FGFR3: variants seen among roughly 807,000 people sequenced by gnomAD.
The protein encoded by FGFR3 is FGFR-3.
In FGFR3, 25 loss-of-function variants were observed where a neutral mutation model predicts 82.9. The ratio of observed to expected loss-of-function variants is 0.30; its 90% confidence interval spans 0.22 to 0.42. The LOEUF is 0.42. Ranked by LOEUF, FGFR3 falls within the 10% of genes least tolerant of loss-of-function variation. FGFR3 has a pLI of 1.00. For synonymous variants in FGFR3, 620 were observed against 516.0 expected, an observed-to-expected ratio of 1.20 and a Z score of -2.73; for missense variants, 1,026 against 1,161.0, an observed-to-expected ratio of 0.88 and a Z score of 1.69.
chr4:1,799,582 C>A (rs1720948474), intron 3 of FGFR3, 59 bp downstream of exon 3: 4 of 1,549,218 alleles, frequency 2.6e-6, no homozygotes, highest in Non-Finnish European at 3.5e-6. Flanking sequence ...TCCCTGAGTC[C>A]CTGCGTGGGT....
intron 15 of FGFR3, 44 bp from the exon 16 acceptor site, chr4:1,806,502 G>C (rs1394269879): frequency 6.2e-7 from 1 of 1,612,522 alleles, no homozygotes; most frequent in Non-Finnish European, 8.5e-7. Flanking sequence ...CCAGGTGTCT[G>C]TCCTGGGAGT....
chr4:1,799,187 C>T lies in FGFR3; in HGVS notation c.110-67C>T, dbSNP rs4647927. On this transcript the variant is annotated intron_variant, in intron 2 of 17. Transcript: ENST00000440486. ...TCACTCAGGGCCGCCGAGGCTTCCA[C>T]TGCTGTGTCTGTAAACGGTGCCGGG... is the stretch of plus-strand genomic sequence containing the variant. 10,272 of 1,608,654 alleles carry T rather than the reference C, an allele frequency of 6.4e-3. 47 individuals are homozygous for T. Among genetic ancestry groups the T allele is most frequent in the Non-Finnish European group, 7.8e-3 (9,186 of 1,178,430 alleles).
chr4:1,794,359 A>G (rs1720212312), intron 2 of FGFR3, among the ~76,000 whole-genome samples: 1 of 151,872 alleles, frequency 6.6e-6, no homozygotes, highest in South Asian at 2.1e-4. Flanking sequence ...CCCCATTTCC[A>G]CGATTCCCGC....
rs971883487 is a variant in FGFR3 at position 1,806,992 on chromosome 4, G to A, written c.2274+58G>A. 101 of 1,558,400 alleles carry A rather than the reference G, an allele frequency of 6.5e-5. No individual in the cohort carries two copies. In the Admixed American group the frequency reaches 6.7e-4, roughly 10 times the overall value. On this transcript the variant is annotated intron_variant, in intron 17 of 17. Coordinates refer to ENST00000440486, the MANE Select transcript of FGFR3 (RefSeq NM_000142.5). ...CTATGCCCCTCCCCCTGCCGTCCCCGGCCATCCTGCCCCCCAGAGTGCTGA... is the reference window on the plus strand; with the variant it reads ...CTATGCCCCTCCCCCTGCCGTCCCCAGCCATCCTGCCCCCCAGAGTGCTGA...
chr4:1,794,993 G>A (rs925535751), intron 2 of FGFR3, among the ~76,000 whole-genome samples: 1 of 151,664 alleles, frequency 6.6e-6, no homozygotes, highest in African/African-American at 2.4e-5. Flanking sequence ...GGGGAGGTGT[G>A]AGCGACCGCG....
intron 2 of FGFR3, among the ~76,000 whole-genome samples, chr4:1,795,999 C>T (rs1282394831): frequency 1.3e-5 from 2 of 152,182 alleles, no homozygotes; most frequent in Non-Finnish European, 2.9e-5. Flanking sequence ...TCACTTGGGG[C>T]TAGATCTGGG....
At chr4:1,805,264 C>T (rs1353276637) in intron 10 of FGFR3, 91 bp from the exon 11 acceptor site, 5 of 1,586,834 alleles carry the variant, frequency 3.2e-6, no homozygotes, top group Admixed American at 3.4e-5. Context: ...GGCTCTGGGC[C>T]TCAAGGGCTG....
chr4:1,807,124 G>A lies in FGFR3; in HGVS notation c.2283G>A (p.Leu761=), dbSNP rs2108816957. The A allele has an allele frequency of 6.3e-7, 1 of 1,584,522 alleles. No individual in the cohort carries two copies. Among genetic ancestry groups the A allele is most frequent in the East Asian group, 2.3e-5 (1 of 43,178 alleles). Residue 761 remains leucine (L), a synonymous_variant, in exon 18 of 18, where the codon CTG becomes CTA. Coordinates refer to ENST00000440486, the MANE Select transcript of FGFR3 (RefSeq NM_000142.5). ...CCGCCTCCCGCCAGCAGGAGTACCT[G>A]GACCTGTCGGCGCCTTTCGAGCAGT... ...VLTVTSTDEY[L]DLSAPFEQYS... is the part of the protein sequence containing the mutation.
At position 1,804,340 on chromosome 4, in the gene FGFR3, G is replaced by A. The variant is rs2108796450; in HGVS notation, c.1086G>A (p.Glu362=). 2 of 1,607,654 alleles carry A rather than the reference G, an allele frequency of 1.2e-6. No individual in the cohort carries two copies. Among genetic ancestry groups the A allele is most frequent in the Non-Finnish European group, 1.7e-6 (2 of 1,177,422 alleles). The stretch of plus-strand genomic sequence containing the variant: ...CCCATGTCTTTGCAGCCGAGGAGGA[G>A]CTGGTGGAGGCTGACGAGGCGGGCA... ...AWLVVLPAEE[E]LVEADEAGSV... Residue 362 remains glutamate, a synonymous_variant, in exon 9 of 18, where the codon GAG becomes GAA. Transcript: ENST00000440486.
intron 2 of FGFR3, among the ~76,000 whole-genome samples, chr4:1,797,868 G>A (rs1237357041): frequency 1.3e-5 from 2 of 152,206 alleles, no homozygotes; most frequent in Non-Finnish European, 2.9e-5. Flanking sequence ...CAGGTGGGTT[G>A]GGCAGAAGAG....
intron 15 of FGFR3, 78 bp from the exon 16 acceptor site, chr4:1,806,468 C>G (rs1006526434): frequency 6.2e-7 from 1 of 1,610,916 alleles, no homozygotes; most frequent in African/African-American, 1.3e-5. Flanking sequence ...CAGCGCAGCC[C>G]TGGCCTATTC....
rs140211846 is a variant in FGFR3, at chr4:1,807,135, C to T, written c.2294C>T (p.Ala765Val). The change falls in exon 18 of 18, where the codon GCG (alanine) becomes GTG (valine). Residue 765 changes from alanine (A) to valine (V), a missense_variant. Physicochemically the swap from Ala to Val is moderately conservative, Grantham distance 64. This residue lies in a region of FGFR3 where 155 missense variants were observed against 150.2 expected (regional missense o/e 1.03). Coordinates refer to ENST00000440486, the MANE Select transcript of FGFR3 (RefSeq NM_000142.5). ...CAGCAGGAGTACCTGGACCTGTCGG[C>T]GCCTTTCGAGCAGTACTCCCCGGGT... ...TSTDEYLDLS[A>V]PFEQYSPGGQ... The T allele has an allele frequency of 4.7e-5, 74 of 1,590,726 alleles. No homozygotes were observed. The highest frequency in any genetic ancestry group is 1.6e-4 in the East Asian group (7 of 43,574).
rs374504027 is a variant in FGFR3 at position 1,805,318 on chromosome 4, G to C, written c.1413-37G>C. On this transcript the variant is annotated intron_variant, in intron 10 of 17. Transcript: ENST00000440486. ...ACCGTGGTGGGCTGAGAGTGGGCGA[G>C]TTTGCACACTCATGGTCCCTCTGCC... The C allele has an allele frequency of 3.1e-6, 5 of 1,607,516 alleles. No homozygotes were observed. In the African/African-American group the frequency reaches 6.7e-5, roughly 21 times the overall value.
intron 3 of FGFR3, 90 bp from the exon 4 acceptor site, chr4:1,799,657 C>T (rs1445957269): frequency 1.9e-6 from 3 of 1,573,356 alleles, no homozygotes; most frequent in Non-Finnish European, 2.6e-6. Context: ...AAGTGCTGCC[C>T]AAATGGGGGA....
intron 2 of FGFR3, among the ~76,000 whole-genome samples, chr4:1,795,468 G>T (rs1013532695): frequency 6.6e-6 from 1 of 151,882 alleles, no homozygotes; most frequent in Non-Finnish European, 1.5e-5. Flanking sequence ...TGGAGCTGGT[G>T]AAACAGGTAG....
In FGFR3 at chr4:1,799,734, C is replaced by T. The variant is rs13129492; in HGVS notation, c.380-13C>T. 1.9e-5 allele frequency: 30 copies of T among 1,612,738 alleles called. No homozygotes were observed. The African/African-American group carries it at 3.5e-4, about 19-fold the overall frequency. On this transcript the variant is annotated splice_polypyrimidine_tract_variant and intron_variant, in intron 3 of 17. Transcript: ENST00000440486. ...CAGGTTGGGCATTGGTTGCGGCCAT[C>T]TCTGCCTTGCAGACGCTCCATCCTC...
Position 1,805,615 on chromosome 4 carries a change from A to T in FGFR3, c.1591A>T (p.Met531Leu). ...DLVSEMEMMKMIGKHKNIINL... is the reference protein window; with the variant it reads ...DLVSEMEMMKLIGKHKNIINL... The stretch of plus-strand genomic sequence containing the variant: ...GGTGTCTGAGATGGAGATGATGAAG[A>T]TGATCGGGAAACACAAAAACATCAT... Residue 531 changes from methionine to leucine, a missense_variant, in exon 12 of 18, where the codon ATG becomes TTG. Physicochemically the swap from Met to Leu is conservative, Grantham distance 15. This residue lies in a region of FGFR3 where 164 missense variants were observed against 167.5 expected (regional missense o/e 0.98). Coordinates refer to ENST00000440486, the MANE Select transcript of FGFR3 (RefSeq NM_000142.5). The T allele has an allele frequency of 1.2e-6, 2 of 1,613,336 alleles. No individual in the cohort carries two copies. Among genetic ancestry groups the T allele is most frequent in the Admixed American group, 1.7e-5 (1 of 60,016 alleles).
rs375181682 is a variant in FGFR3 at position 1,801,980 on chromosome 4, C to T, written c.885C>T (p.Gly295=). Residue 295 remains glycine (G), a synonymous_variant, in exon 7 of 18, where the codon GGC becomes GGT. Coordinates refer to ENST00000440486, the MANE Select transcript of FGFR3 (RefSeq NM_000142.5). ...GGCTCAAGCACGTGGAGGTGAATGG[C>T]AGCAAGGTGGGCCCGGACGGCACAC... is the stretch of plus-strand genomic sequence containing the variant. ...IQWLKHVEVN[G]SKVGPDGTPY... is the part of the protein sequence containing the mutation. The T allele has an allele frequency of 1.0e-4, 166 of 1,612,704 alleles. No individual in the cohort carries two copies. The highest frequency in any genetic ancestry group is 1.3e-4 in the Non-Finnish European group (148 of 1,179,892).
intron 10 of FGFR3, 97 bp from the exon 11 acceptor site, chr4:1,805,258 C>A: frequency 6.3e-7 from 1 of 1,582,298 alleles, no homozygotes. Flanking sequence ...GGTGGTGGCT[C>A]TGGGCCTCAA....
Sources: gnomAD v4.1 joint callset for allele counts (sites outside exome capture counted in the v4.1 genomes callset) on GRCh38, gnomAD v4.1.1 for gene constraint, gnomAD v4.1.1 regional missense constraint, MANE v1.5 for transcripts, NCBI Gene and HGNC (gene_info 2026-07-23, HGNC 2026-07-21) for gene names.